B3GAT2: variants seen among roughly 807,000 people sequenced by gnomAD.
B3GAT2 encodes beta-1,3-glucuronyltransferase 2, also known as galactosylgalactosylxylosylprotein 3-beta-glucuronosyltransferase 2.
In B3GAT2, 26 loss-of-function variants were observed where a neutral mutation model predicts 27.8. The observed-to-expected ratio is 0.93, with a 90% CI of 0.68 to 1.30. The LOEUF (loss-of-function observed/expected upper bound fraction) is 1.30, where lower values mean the gene tolerates loss of function less well. B3GAT2 is among the 50% of genes most tolerant of loss of function. B3GAT2 has a pLI of 0.00. For missense variants in B3GAT2, 458 were observed against 459.0 expected (o/e 1.00, Z 0.02); for synonymous variants, 218 against 195.1 (o/e 1.12, Z -0.98).
chr6:70,911,868 TG>T (rs1772693605), intron 1 of B3GAT2, among the ~76,000 whole-genome samples: 1 of 152,180 alleles, frequency 6.6e-6, no homozygotes, highest in South Asian at 2.1e-4. Flanking sequence ...TTTGCCTCTC[TG>T]GTTAGCTGTA....
At chr6:70,897,024 T>A (rs1772398302) in intron 1 of B3GAT2, among the ~76,000 whole-genome samples, 1 of 152,236 alleles carries the variant, frequency 6.6e-6, no homozygotes, top group Non-Finnish European at 1.5e-5. Flanking sequence ...TACATTCTCA[T>A]CAGCAGTGTA....
chr6:70,954,230 G>C (rs1360015495), intron 1 of B3GAT2, among the ~76,000 whole-genome samples: 1 of 152,170 alleles, frequency 6.6e-6, no homozygotes, highest in Non-Finnish European at 1.5e-5. Flanking sequence ...TTTTCTTTTG[G>C]AGGGGGGAGC....
intron 1 of B3GAT2, among the ~76,000 whole-genome samples, chr6:70,924,242 A>G (rs756647903): frequency 6.6e-6 from 1 of 152,204 alleles, no homozygotes; most frequent in Non-Finnish European, 1.5e-5. Flanking sequence ...ACTATGAAAC[A>G]CTGGTGAAAG....
chr6:70,956,565 C>G lies in B3GAT2; in HGVS notation c.-136G>C. The G allele has an allele frequency of 6.8e-7, 1 of 1,472,064 alleles. No individual in the cohort carries two copies. Among genetic ancestry groups the G allele is most frequent in the Non-Finnish European group, 9.0e-7 (1 of 1,117,228 alleles). 91.2% of individuals were successfully genotyped at this position (1,472,064 alleles called of 1,614,324 possible). ...GCTGTCCATGGGGCCGAGGGCGCTG[C>G]AGAGACCTGGAGCCGCGGGGCTCAC... is the stretch of plus-strand genomic sequence containing the variant. On this transcript the variant is annotated 5_prime_UTR_variant, in exon 1 of 4. Coordinates refer to ENST00000230053, the MANE Select transcript of B3GAT2 (RefSeq NM_080742.3).
At position 70,877,186 on chromosome 6, in the gene B3GAT2, G is replaced by T. The variant is rs531177969; in HGVS notation, c.737-15208C>A. On this transcript the variant is annotated intron_variant, in intron 2 of 3. Transcript: ENST00000230053. ...CAGCAAAGTGTCTGCTGCACTAGATGGTTCAGGTAAGAGCAGACAGATGGG... is the reference window on the plus strand; with the variant it reads ...CAGCAAAGTGTCTGCTGCACTAGATTGTTCAGGTAAGAGCAGACAGATGGG... Among the ~76,000 whole-genome samples, 27 of 152,324 alleles carry T rather than the reference G, an allele frequency of 1.8e-4. 2 individuals are homozygous for T. The South Asian group carries it at 5.6e-3, about 32-fold the overall frequency.
At chr6:70,901,994 G>T (rs957162238) in intron 1 of B3GAT2, among the ~76,000 whole-genome samples, 5 of 152,172 alleles carry the variant, frequency 3.3e-5, no homozygotes, top group African/African-American at 1.2e-4. Context: ...TGAAATTTTA[G>T]CCCGTTAGAT....
chr6:70,893,391 T>C (rs963997451), intron 2 of B3GAT2, among the ~76,000 whole-genome samples: 1 of 148,956 alleles, frequency 6.7e-6, no homozygotes, highest in Non-Finnish European at 1.5e-5. Context: ...TTTAAGAGTA[T>C]AGATGTCACC....
At chr6:70,866,951 A>C (rs1435530310) in intron 2 of B3GAT2, among the ~76,000 whole-genome samples, 1 of 152,248 alleles carries the variant, frequency 6.6e-6, no homozygotes, top group Non-Finnish European at 1.5e-5. Context: ...AAAATAATTT[A>C]AATTGTACAA....
At position 70,859,238 on chromosome 6, in the gene B3GAT2, C is replaced by A; in HGVS notation, c.*2425G>T. The A allele has an allele frequency of 1.2e-6, 1 of 807,156 alleles. No homozygotes were observed. The highest frequency in any genetic ancestry group is 1.9e-6 in the Non-Finnish European group (1 of 514,398). The allele number at this position is 807,156 out of a possible 1,614,324, so 50.0% of individuals were successfully genotyped here. ...CTAAAAAATTGTATGTGCTAAGTGT[C>A]AGTCACATGGTCAACATGCTGAAGC... On this transcript the variant is annotated 3_prime_UTR_variant, in exon 4 of 4. Coordinates refer to ENST00000230053, the MANE Select transcript of B3GAT2 (RefSeq NM_080742.3).
chr6:70,905,353 T>C (rs1039909333), intron 1 of B3GAT2, among the ~76,000 whole-genome samples: 2 of 152,338 alleles, frequency 1.3e-5, no homozygotes, highest in Non-Finnish European at 2.9e-5. Context: ...ATCCCTTGCA[T>C]AGATCTGTAT....
intron 1 of B3GAT2, among the ~76,000 whole-genome samples, chr6:70,930,008 C>T (rs1304295908): frequency 6.6e-6 from 1 of 152,128 alleles, no homozygotes; most frequent in South Asian, 2.1e-4. Context: ...AGACCAATGG[C>T]ACAGAACAGA....
intron 1 of B3GAT2, among the ~76,000 whole-genome samples, chr6:70,949,875 T>TA (rs1419427130): frequency 2.0e-5 from 3 of 151,958 alleles, no homozygotes; most frequent in African/African-American, 7.2e-5. Flanking sequence ...TATGCAGCCA[T>TA]AAAAAATGAT....
At chr6:70,923,599 CAGG>C (rs1160091141) in intron 1 of B3GAT2, among the ~76,000 whole-genome samples, 1 of 152,044 alleles carries the variant, frequency 6.6e-6, no homozygotes, top group Non-Finnish European at 1.5e-5. Context: ...TTACTTGAGC[CAGG>C]AGGTCAAGCC....
chr6:70,953,909 C>A (rs1172565612), intron 1 of B3GAT2, among the ~76,000 whole-genome samples: 1 of 152,148 alleles, frequency 6.6e-6, no homozygotes, highest in African/African-American at 2.4e-5. Context: ...CACCAACAAA[C>A]CCTCCTTTCA....
intron 1 of B3GAT2, among the ~76,000 whole-genome samples, chr6:70,953,079 G>A (rs1765600016): frequency 6.6e-6 from 1 of 152,178 alleles, no homozygotes; most frequent in African/African-American, 2.4e-5. Flanking sequence ...ATGAATAAAA[G>A]ATGAAACCTG....
chr6:70,886,921 G>A (rs1772197790), intron 2 of B3GAT2, among the ~76,000 whole-genome samples: 1 of 152,274 alleles, frequency 6.6e-6, no homozygotes, highest in Admixed American at 6.5e-5. Flanking sequence ...CCTGGCAGCT[G>A]CAGTCCTCTC....
chr6:70,936,363 G>A (rs1765280856), intron 1 of B3GAT2, among the ~76,000 whole-genome samples: 1 of 151,948 alleles, frequency 6.6e-6, no homozygotes, highest in African/African-American at 2.4e-5. Flanking sequence ...AAGTTAACAA[G>A]GATACACAGG....
intron 1 of B3GAT2, 122 bp downstream of exon 1, chr6:70,955,717 G>T: frequency 8.4e-7 from 1 of 1,187,330 alleles, no homozygotes; most frequent in Non-Finnish European, 1.1e-6. Context: ...CCCCGAATGC[G>T]CGCACGGAGA....
intron 1 of B3GAT2, among the ~76,000 whole-genome samples, chr6:70,930,823 C>T (rs558298360): frequency 6.6e-6 from 1 of 152,262 alleles, no homozygotes; most frequent in South Asian, 2.1e-4. Context: ...ACCCAGCCAT[C>T]CCATTACTGG....
Sources: gnomAD v4.1 joint callset for allele counts (sites outside exome capture counted in the v4.1 genomes callset) on GRCh38, gnomAD v4.1.1 for gene constraint, MANE v1.5 for transcripts, NCBI Gene and HGNC (gene_info 2026-07-23, HGNC 2026-07-21) for gene names.